FBXO11: variants seen among roughly 807,000 people sequenced by gnomAD.
FBXO11 encodes F-box protein 11, also known as F-box only protein 11.
FBXO11 carries 13 observed loss-of-function variants against 117.0 expected under a neutral mutation model. That is an observed-to-expected ratio of 0.11 (90% CI 0.07 to 0.18). The LOEUF is 0.18. FBXO11 is among the 10% of genes least tolerant of loss of function. FBXO11 has a pLI of 1.00. For synonymous variants in FBXO11, 490 were observed against 380.5 expected (o/e 1.29, Z -3.35); for missense variants, 767 against 1,164.4 (o/e 0.66, Z 4.97).
At position 47,900,892 on chromosome 2, in the gene FBXO11, A is replaced by ATATACACACACGTGTATATATATACACG. The variant is rs1572933406; in HGVS notation, c.232+4596_232+4597insCGTGTATATATATACACGTGTGTGTATA. Reference sequence around the variant, plus strand: ...CACACACGTGTATATATATACACGTATATATACACACATATATATGTATAT... The same window carrying ATATACACACACGTGTATATATATACACG: ...CACACACGTGTATATATATACACGTATATACACACACGTGTATATATATACACGTATATACACACATATATATGTATAT... On this transcript the variant is annotated intron_variant, in intron 1 of 22. Transcript: ENST00000403359. 1.4e-5 allele frequency among the ~76,000 whole-genome samples: 2 copies of ATATACACACACGTGTATATATATACACG among 143,492 alleles called. 1 individual carries two copies. The highest frequency in any genetic ancestry group is 3.1e-5 in the Non-Finnish European group (2 of 65,322). The allele number at this position is 143,492 out of a possible 152,430, so 94.1% of individuals were successfully genotyped here. A position where few individuals can be genotyped will look rare whatever the true frequency, so the allele number is the denominator to read the frequency against.
At chr2:47,848,322 T>A (rs930638978) in intron 1 of FBXO11, among the ~76,000 whole-genome samples, 1 of 152,204 alleles carries the variant, frequency 6.6e-6, no homozygotes, top group Non-Finnish European at 1.5e-5. Context: ...GCCACAGCAT[T>A]AGATTCTCAT....
Position 47,877,546 on chromosome 2 carries a change from G to A in FBXO11, c.232+27943C>T, listed in dbSNP as rs573991159. Among the ~76,000 whole-genome samples, 8 of 152,116 alleles carry A rather than the reference G, an allele frequency of 5.3e-5. No homozygotes were observed. The South Asian group carries it at 1.5e-3, about 28-fold the overall frequency. On this transcript the variant is annotated intron_variant, in intron 1 of 22. Transcript: ENST00000403359. ...GGTTTAGTTTTTCTTCTGTATTTTC[G>A]AATTTTTGTTTGGCAGGTTCATTGT...
intron 1 of FBXO11, among the ~76,000 whole-genome samples, chr2:47,842,776 C>CT (rs1350231965): frequency 7.8e-6 from 1 of 128,370 alleles, no homozygotes; most frequent in Non-Finnish European, 1.7e-5. Context: ...GTAAATTTTT[C>CT]TTTAAAAAAA....
intron 11 of FBXO11, among the ~76,000 whole-genome samples, chr2:47,826,485 T>TA (rs1371886459): frequency 3.3e-5 from 5 of 152,336 alleles, no homozygotes; most frequent in South Asian, 2.1e-4. Context: ...TCACTGTACT[T>TA]AGTCTTCACT....
At chr2:47,884,761 A>G (rs1481590448) in intron 1 of FBXO11, among the ~76,000 whole-genome samples, 1 of 152,210 alleles carries the variant, frequency 6.6e-6, no homozygotes, top group East Asian at 1.9e-4. Flanking sequence ...ATGCATTATA[A>G]TTTAGTAATT....
intron 1 of FBXO11, among the ~76,000 whole-genome samples, chr2:47,901,884 C>T (rs1211088146): frequency 2.0e-5 from 3 of 152,204 alleles, no homozygotes; most frequent in African/African-American, 7.2e-5. Context: ...CAATCCCACA[C>T]TACTGTTTCA....
At chr2:47,868,051 A>G (rs1490075365) in intron 1 of FBXO11, among the ~76,000 whole-genome samples, 1 of 152,148 alleles carries the variant, frequency 6.6e-6, no homozygotes, top group Admixed American at 6.5e-5. Context: ...AGAGAACTGA[A>G]GAACTTAAGG....
chr2:47,887,131 C>T (rs1319736749), intron 1 of FBXO11, among the ~76,000 whole-genome samples: 1 of 151,808 alleles, frequency 6.6e-6, no homozygotes, highest in Non-Finnish European at 1.5e-5. Context: ...ACTAAAAATA[C>T]AAACTTAGAT....
At chr2:47,821,898 C>A (rs1020795172) in intron 13 of FBXO11, among the ~76,000 whole-genome samples, 1 of 152,158 alleles carries the variant, frequency 6.6e-6, no homozygotes, top group African/African-American at 2.4e-5. Context: ...TCAAGACCAG[C>A]CTGGGCAACA....
chr2:47,890,431 G>A (rs1677172572), intron 1 of FBXO11, among the ~76,000 whole-genome samples: 1 of 152,080 alleles, frequency 6.6e-6, no homozygotes, highest in Non-Finnish European at 1.5e-5. Context: ...TAACATTTAA[G>A]CTTTTATTCA....
chr2:47,889,701 T>C (rs748142525), intron 1 of FBXO11, among the ~76,000 whole-genome samples: 18 of 152,180 alleles, frequency 1.2e-4, no homozygotes, highest in Non-Finnish European at 2.2e-4. Context: ...ACCTAATAAA[T>C]TGACAGTGAC....
intron 3 of FBXO11, 23 bp downstream of exon 3, chr2:47,839,396 T>A: frequency 6.3e-7 from 1 of 1,590,254 alleles, no homozygotes; most frequent in Non-Finnish European, 8.5e-7. Context: ...TTACCCTATT[T>A]GTTACTTTCC....
At chr2:47,867,176 T>C (rs1675262109) in intron 1 of FBXO11, among the ~76,000 whole-genome samples, 1 of 152,218 alleles carries the variant, frequency 6.6e-6, no homozygotes, top group Non-Finnish European at 1.5e-5. Context: ...ATAGGCTAGT[T>C]TAAGCTGCAG....
At chr2:47,819,810 A>G (rs994149701) in intron 14 of FBXO11, among the ~76,000 whole-genome samples, 1 of 152,210 alleles carries the variant, frequency 6.6e-6, no homozygotes, top group African/African-American at 2.4e-5. Flanking sequence ...CATCTCTAGA[A>G]CCATAAATGA....
intron 21 of FBXO11, 120 bp from the exon 22 acceptor site, chr2:47,808,547 G>T: frequency 4.0e-6 from 3 of 743,608 alleles, no homozygotes; most frequent in South Asian, 2.4e-5. Flanking sequence ...ATTCTTTGTG[G>T]CTCCAGCCCA....
chr2:47,901,751 T>A (rs1162677104), intron 1 of FBXO11, among the ~76,000 whole-genome samples: 1 of 152,306 alleles, frequency 6.6e-6, no homozygotes, highest in East Asian at 1.9e-4. Context: ...GCTTTCCTCA[T>A]ACTTTGTAAT....
chr2:47,871,022 A>G lies in FBXO11; in HGVS notation c.233-31253T>C, dbSNP rs935117302. Among the ~76,000 whole-genome samples, 15 of 152,196 alleles carry G rather than the reference A, an allele frequency of 9.9e-5. 1 individual carries two copies. The highest frequency in any genetic ancestry group is 7.9e-4 in the Admixed American group (12 of 15,278). ...GCATTATCCTCCGCAGGGGTTTTAG[A>G]AAGTCCACAAATGCTTTGATACTCC... On this transcript the variant is annotated intron_variant, in intron 1 of 22. Coordinates refer to ENST00000403359, the MANE Select transcript of FBXO11 (RefSeq NM_001190274.2).
chr2:47,889,459 T>TAG (rs1414660986), intron 1 of FBXO11, among the ~76,000 whole-genome samples: 2 of 152,210 alleles, frequency 1.3e-5, no homozygotes, highest in African/African-American at 2.4e-5. Context: ...TCTCTTGGTT[T>TAG]AGGTTTATAA....
At chr2:47,863,410 C>T (rs894874956) in intron 1 of FBXO11, among the ~76,000 whole-genome samples, 1 of 152,178 alleles carries the variant, frequency 6.6e-6, no homozygotes, top group Admixed American at 6.5e-5. Context: ...GTTTACATGG[C>T]TCTGAAACAA....
Sources: allele counts gnomAD v4.1 joint callset (sites outside exome capture counted in the v4.1 genomes callset), GRCh38; gene constraint gnomAD v4.1.1; transcripts MANE v1.5; gene names NCBI Gene and HGNC (gene_info 2026-07-23, HGNC 2026-07-21).